The following TSPAN11 variants were observed in gnomAD, a reference collection of about 807,000 sequenced individuals.
The protein encoded by TSPAN11 is tetraspanin-11.
TSPAN11 carries 29 observed loss-of-function variants against 32.9 expected under a neutral mutation model. That is an observed-to-expected ratio of 0.88 (90% confidence interval 0.66 to 1.20). TSPAN11 has a LOEUF of 1.20. Among genes scored for constraint, TSPAN11 ranks in the 50% most tolerant of loss-of-function variants. The probability of loss-of-function intolerance (pLI) is 0.00; values close to 1 mark genes in which losing one functional copy is unlikely to be tolerated. For synonymous variants in TSPAN11, 140 were observed against 141.3 expected (o/e 0.99, Z 0.07); for missense variants, 283 against 329.1 (o/e 0.86, Z 1.08).
intron 5 of TSPAN11, among the ~76,000 whole-genome samples, 174 bp downstream of exon 5, chr12:30,979,844 T>C (rs1592492491): frequency 6.6e-6 from 1 of 152,358 alleles, no homozygotes; most frequent in East Asian, 1.9e-4. Flanking sequence ...TGGCCACATC[T>C]CTAGATGTCC....
intron 5 of TSPAN11, among the ~76,000 whole-genome samples, chr12:30,981,260 G>C (rs1247496289): frequency 6.6e-6 from 1 of 152,216 alleles, no homozygotes; most frequent in Non-Finnish European, 1.5e-5. Context: ...GCCAGGGCCA[G>C]CACCCGGCCC....
intron 1 of TSPAN11, among the ~76,000 whole-genome samples, chr12:30,946,041 A>T (rs1417894040): frequency 1.3e-5 from 2 of 152,178 alleles, no homozygotes; most frequent in Admixed American, 6.5e-5. Flanking sequence ...CCGCTCAGTT[A>T]GTTTGTTTCA....
chr12:30,965,125 C>T (rs574251201), intron 3 of TSPAN11, among the ~76,000 whole-genome samples: 395 of 152,368 alleles, frequency 2.6e-3, no homozygotes, highest in African/African-American at 8.7e-3. Flanking sequence ...AGGCATGTAG[C>T]GCAGCCCGGG....
chr12:30,982,419 A>G (rs944983225), intron 5 of TSPAN11, 113 bp from the exon 6 acceptor site: 2 of 1,422,148 alleles, frequency 1.4e-6, no homozygotes, highest in Admixed American at 2.2e-5. Context: ...CTAACTAACC[A>G]TGGTTCGGGT....
Position 30,975,583 on chromosome 12 carries a change from A to G in TSPAN11, c.277-2978A>G, listed in dbSNP as rs1433387019. Among the ~76,000 whole-genome samples, 1 of 152,052 alleles carries G rather than the reference A, an allele frequency of 6.6e-6. No homozygotes were observed. The highest frequency in any genetic ancestry group is 1.5e-5 in the Non-Finnish European group (1 of 67,998). On this transcript the variant is annotated intron_variant, in intron 3 of 7. Transcript: ENST00000546076. This position sits in a 1 kb window ranked among gnomAD's most constrained non-coding sequence, Gnocchi z 4.5. ...CTGAACCAGCCTGTGCAGGGGTAGCATGTACTAATTTAGCCAGCCACTAAA... is the reference window on the plus strand; with the variant it reads ...CTGAACCAGCCTGTGCAGGGGTAGCGTGTACTAATTTAGCCAGCCACTAAA...
At chr12:30,983,652 A>C (rs183133891) in intron 7 of TSPAN11, among the ~76,000 whole-genome samples, 2 of 152,230 alleles carry the variant, frequency 1.3e-5, no homozygotes, top group Admixed American at 1.3e-4. Flanking sequence ...TGGGTTCTGC[A>C]TCCGTGAATT....
At chr12:30,974,011 AGCCCCGGGG>A (rs998945350) in intron 3 of TSPAN11, among the ~76,000 whole-genome samples, 2 of 152,196 alleles carry the variant, frequency 1.3e-5, no homozygotes, top group Non-Finnish European at 2.9e-5. Context: ...ATGGAATTCC[AGCCCCGGGG>A]TCCCATGGGG....
At position 30,955,131 on chromosome 12, in the gene TSPAN11, G is replaced by A. The variant is rs1938454783; in HGVS notation, c.84+1056G>A. On this transcript the variant is annotated intron_variant, in intron 2 of 7. Transcript: ENST00000546076. ...GATGGGTAGACATGGCAAGGCAAGA[G>A]TTTTGAAGAGTCTTGGAGAATAAAC... 2.0e-5 allele frequency: 3 copies of A among 152,174 alleles called. No homozygotes were observed. In the South Asian group the frequency reaches 6.2e-4, roughly 32 times the overall value. The allele number at this position is 152,174 out of a possible 1,614,324, so 9.4% of individuals were successfully genotyped here. A position where few individuals can be genotyped will look rare whatever the true frequency, so the allele number is the denominator to read the frequency against.
intron 1 of TSPAN11, 49 bp downstream of exon 1, chr12:30,926,845 T>TG: frequency 4.2e-6 from 4 of 956,030 alleles, no homozygotes; most frequent in Non-Finnish European, 5.5e-6. Flanking sequence ...GGGAGGGGGC[T>TG]GGGGGTCCAG....
chr12:30,964,576 C>T (rs907530376), intron 3 of TSPAN11, among the ~76,000 whole-genome samples: 3 of 152,240 alleles, frequency 2.0e-5, no homozygotes, highest in East Asian at 1.9e-4. Context: ...ATCTTGGTTC[C>T]GTCCACTCTC....
At chr12:30,959,640 C>G (rs937946678) in intron 2 of TSPAN11, among the ~76,000 whole-genome samples, 4 of 151,886 alleles carry the variant, frequency 2.6e-5, no homozygotes, top group Admixed American at 2.6e-4. Context: ...ATTAGCCAGG[C>G]GTGGTGGCGC....
chr12:30,997,297 T>G (rs1939431624), downstream of TSPAN11: 1 of 152,256 alleles, frequency 6.6e-6, no homozygotes, highest in Admixed American at 6.5e-5. Flanking sequence ...TTTCATTCAC[T>G]GTTCTGTCTA....
At chr12:30,956,148 G>T (rs1423165743) in intron 2 of TSPAN11, among the ~76,000 whole-genome samples, 3 of 152,222 alleles carry the variant, frequency 2.0e-5, no homozygotes, top group Non-Finnish European at 2.9e-5. Flanking sequence ...ACCTAAAAAG[G>T]CATCTGGGAC....
chr12:30,948,464 C>G (rs1938314253), intron 1 of TSPAN11, among the ~76,000 whole-genome samples: 1 of 152,226 alleles, frequency 6.6e-6, no homozygotes, highest in African/African-American at 2.4e-5. Flanking sequence ...CAGAGGTTCC[C>G]AAACCTCAGT....
chr12:30,963,022 T>G (rs1271173465), intron 2 of TSPAN11, among the ~76,000 whole-genome samples: 1 of 152,218 alleles, frequency 6.6e-6, no homozygotes, highest in Non-Finnish European at 1.5e-5. Context: ...ATTTCCCAAG[T>G]ACTCCAGTTT....
At position 30,990,661 on chromosome 12, in the gene TSPAN11, C is replaced by T. The variant is rs532261496; in HGVS notation, c.703-1195C>T. ...AGAGGATGGGCCCCTTCCACACTAC[C>T]TCCCCCAGCTAGCTGTCAGAGACAG... On this transcript the variant is annotated intron_variant, in intron 7 of 7. Transcript: ENST00000546076. Among the ~76,000 whole-genome samples the T allele has an allele frequency of 1.7e-4, 26 of 152,256 alleles. No homozygotes were observed. The South Asian group carries it at 2.3e-3, about 13-fold the overall frequency.
At chr12:30,951,254 C>T (rs1938375663) in intron 1 of TSPAN11, among the ~76,000 whole-genome samples, 1 of 152,216 alleles carries the variant, frequency 6.6e-6, no homozygotes, top group Non-Finnish European at 1.5e-5. Flanking sequence ...TCCTGGCCAG[C>T]AGTGAATCCT....
chr12:30,943,625 G>A (rs1938210162), intron 1 of TSPAN11, among the ~76,000 whole-genome samples: 1 of 152,188 alleles, frequency 6.6e-6, no homozygotes, highest in East Asian at 1.9e-4. Context: ...GCCACAGTGT[G>A]ACCTCCTGTT....
intron 1 of TSPAN11, among the ~76,000 whole-genome samples, chr12:30,927,823 G>A (rs377648466): frequency 6.6e-6 from 1 of 152,142 alleles, no homozygotes; most frequent in African/African-American, 2.4e-5. Flanking sequence ...ATTGTTCCCT[G>A]GACAGATAGG....
Sources: allele counts gnomAD v4.1 joint callset (sites outside exome capture counted in the v4.1 genomes callset), GRCh38; gene constraint gnomAD v4.1.1; non-coding constraint Gnocchi (gnomAD v3.1); transcripts MANE v1.5; gene names NCBI Gene and HGNC (gene_info 2026-07-23, HGNC 2026-07-21).